Variants in JAKMIP1 observed in about 807,000 individuals in gnomAD.
The protein encoded by JAKMIP1 is janus kinase and microtubule-interacting protein 1.
In JAKMIP1, 33 loss-of-function variants were observed where a neutral mutation model predicts 113.0. The observed-to-expected ratio is 0.29, with a 90% CI of 0.22 to 0.39. The LOEUF (loss-of-function observed/expected upper bound fraction) is 0.39, where lower values mean the gene tolerates loss of function less well. Among genes scored for constraint, JAKMIP1 ranks in the 10% least tolerant of loss-of-function variants. The pLI, the probability that JAKMIP1 is intolerant of heterozygous loss-of-function variation, is 1.00. For synonymous variants in JAKMIP1, 480 were observed against 459.9 expected, an observed-to-expected ratio of 1.04 and a Z score of -0.56; for missense variants, 813 against 1,080.5, an observed-to-expected ratio of 0.75 and a Z score of 3.47.
Position 6,113,016 on chromosome 4 carries a change from C to T in JAKMIP1, c.-147-19G>A. On this transcript the variant is annotated intron_variant, in intron 1 of 20. Transcript: ENST00000409021. Reference sequence around the variant, plus strand: ...TGGGATCCTGAAGGAAGGAGGGAAACTGAGTTAGCAGAGACAGAAGGGTGG... The same window carrying T: ...TGGGATCCTGAAGGAAGGAGGGAAATTGAGTTAGCAGAGACAGAAGGGTGG... 1.8e-6 allele frequency: 2 copies of T among 1,100,680 alleles called. No individual in the cohort carries two copies. Among genetic ancestry groups the T allele is most frequent in the South Asian group, 3.4e-5 (2 of 59,298 alleles). 68.2% of individuals were successfully genotyped at this position (1,100,680 alleles called of 1,614,324 possible).
intron 1 of JAKMIP1, among the ~76,000 whole-genome samples, chr4:6,133,773 A>G (rs1382418533): frequency 2.0e-5 from 3 of 152,162 alleles, no homozygotes; most frequent in Non-Finnish European, 4.4e-5. Context: ...CATTTCCCAG[A>G]TTCCCTTGCA....
At position 6,141,188 on chromosome 4, in the gene JAKMIP1, C is replaced by T. The variant is rs1049089681; in HGVS notation, c.-147-28191G>A. On this transcript the variant is annotated intron_variant, in intron 1 of 20. Coordinates refer to ENST00000409021, the MANE Select transcript of JAKMIP1 (RefSeq NM_001099433.2). The surrounding 1 kb of genome is among the most constrained non-coding windows in gnomAD (Gnocchi z 9.4). ...CAGTGGCTCATGCCTGTAATCCCAACACTTTGGGATGCTGAGGCAGGCAGA... is the reference window on the plus strand; with the variant it reads ...CAGTGGCTCATGCCTGTAATCCCAATACTTTGGGATGCTGAGGCAGGCAGA... Among the ~76,000 whole-genome samples, 2 of 152,206 alleles carry T rather than the reference C, an allele frequency of 1.3e-5. No homozygotes were observed. The highest frequency in any genetic ancestry group is 2.4e-5 in the African/African-American group (1 of 41,434).
intron 3 of JAKMIP1, among the ~76,000 whole-genome samples, chr4:6,087,963 G>A (rs185169547): frequency 1.3e-5 from 2 of 152,252 alleles, no homozygotes; most frequent in Admixed American, 6.5e-5. Context: ...AAATGGGTAG[G>A]AGCACTGTCC....
chr4:6,171,067 T>C (rs1048442613), intron 1 of JAKMIP1, among the ~76,000 whole-genome samples: 3 of 110,320 alleles, frequency 2.7e-5, no homozygotes, highest in African/African-American at 8.7e-5. Context: ...CTGACCACCA[T>C]CACCACCACC....
chr4:6,129,089 T>G lies in JAKMIP1; in HGVS notation c.-147-16092A>C, dbSNP rs1718149003. 6.6e-6 allele frequency among the ~76,000 whole-genome samples: 1 copy of G among 152,298 alleles called. No individual in the cohort carries two copies. The highest frequency in any genetic ancestry group is 6.5e-5 in the Admixed American group (1 of 15,292). Reference sequence around the variant, plus strand: ...GTGACAGTACCCCTGGGAGCCCTCTTTGGATGCCTGCTGGATGATGAAGAC... The same window carrying G: ...GTGACAGTACCCCTGGGAGCCCTCTGTGGATGCCTGCTGGATGATGAAGAC... On this transcript the variant is annotated intron_variant, in intron 1 of 20. Transcript: ENST00000409021. This position sits in a 1 kb window ranked among gnomAD's most constrained non-coding sequence, Gnocchi z 5.4.
At chr4:6,082,123 T>C (rs1451983466) in intron 5 of JAKMIP1, among the ~76,000 whole-genome samples, 2 of 152,040 alleles carry the variant, frequency 1.3e-5, no homozygotes, top group African/African-American at 2.4e-5. Context: ...CCGCATTTTA[T>C]AGACAAAGAA....
At chr4:6,066,286 T>G (rs989886702) in intron 8 of JAKMIP1, among the ~76,000 whole-genome samples, 29 of 152,110 alleles carry the variant, frequency 1.9e-4, no homozygotes, top group African/African-American at 7.0e-4. Context: ...TAGGAAATAA[T>G]TCAGACATAA....
chr4:6,092,461 C>G (rs1026318536), intron 3 of JAKMIP1, among the ~76,000 whole-genome samples: 7 of 152,388 alleles, frequency 4.6e-5, no homozygotes, highest in African/African-American at 1.4e-4. Context: ...GGCCACACCC[C>G]CTTCCTGCTC....
chr4:6,098,669 AG>A (rs1187704806), intron 3 of JAKMIP1, among the ~76,000 whole-genome samples: 56 of 103,082 alleles, frequency 5.4e-4, no homozygotes, highest in African/African-American at 2.5e-3. Context: ...GAAGAAAGAG[AG>A]AGAAAGAAAG....
At chr4:6,084,550 T>C (rs1032931402) in intron 5 of JAKMIP1, among the ~76,000 whole-genome samples, 4 of 152,140 alleles carry the variant, frequency 2.6e-5, no homozygotes, top group African/African-American at 9.7e-5. Context: ...TTTTTAATTG[T>C]TGATTTTTTT....
chr4:6,160,087 A>C lies in JAKMIP1; in HGVS notation c.-148+40166T>G, dbSNP rs371437630. Among the ~76,000 whole-genome samples the C allele has an allele frequency of 8.1e-4, 123 of 152,312 alleles. No individual in the cohort carries two copies. In the Middle Eastern group the frequency reaches 0.01, roughly 13 times the overall value. On this transcript the variant is annotated intron_variant, in intron 1 of 20. Transcript: ENST00000409021. ...AAGAAAAGAGAGTTCTTAGAAAGAG[A>C]AGGTGGAATGCTCCTAACGAGGACA... is the stretch of plus-strand genomic sequence containing the variant.
chr4:6,028,241 C>A (rs985605468), intron 20 of JAKMIP1, among the ~76,000 whole-genome samples: 1 of 152,236 alleles, frequency 6.6e-6, no homozygotes, highest in Non-Finnish European at 1.5e-5. Context: ...CCCTTGGGTT[C>A]TCAGAATATC....
chr4:6,039,210 G>T (rs373350079), intron 18 of JAKMIP1, among the ~76,000 whole-genome samples: 2 of 152,204 alleles, frequency 1.3e-5, no homozygotes, highest in East Asian at 3.9e-4. Context: ...GCCTTCCTGA[G>T]TTGGTGCTTA....
rs1035336106 is a variant in JAKMIP1, at chr4:6,136,374, G to C, written c.-147-23377C>G. Among the ~76,000 whole-genome samples, 5 of 151,774 alleles carry C rather than the reference G, an allele frequency of 3.3e-5. No homozygotes were observed. The highest frequency in any genetic ancestry group is 7.4e-5 in the Non-Finnish European group (5 of 67,944). On this transcript the variant is annotated intron_variant, in intron 1 of 20. Transcript: ENST00000409021. The surrounding 1 kb of genome is among the most constrained non-coding windows in gnomAD (Gnocchi z 5.9). ...ATATTTAAGTACTTCTGACAAATCA[G>C]TACCCTAGTGATAATATCTCCCACT...
chr4:6,072,267 A>G lies in JAKMIP1; in HGVS notation c.1302+6672T>C, dbSNP rs76417701. Among the ~76,000 whole-genome samples the G allele has an allele frequency of 3.1e-3, 478 of 152,256 alleles. 1 individual carries two copies. Among genetic ancestry groups the G allele is most frequent in the Non-Finnish European group, 5.0e-3 (339 of 68,026 alleles). ...TTTAAATATTGAACCCCTCAAAATC[A>G]TCTTTGGAGAAAGGCTCAGATCTGT... On this transcript the variant is annotated intron_variant, in intron 8 of 20. Transcript: ENST00000409021.
intron 16 of JAKMIP1, among the ~76,000 whole-genome samples, chr4:6,045,537 A>G (rs2108761441): frequency 6.6e-6 from 1 of 152,306 alleles, no homozygotes; most frequent in South Asian, 2.1e-4. Context: ...CAGGCACATC[A>G]TAGGACATTC....
chr4:6,197,065 G>A lies in JAKMIP1; in HGVS notation c.-148+3188C>T, dbSNP rs974285769. ...GGTGTTCACGTAGACCTCACCCTGT[G>A]TGGTGCCCGTGCAGCAAAGATGAGA... On this transcript the variant is annotated intron_variant, in intron 1 of 20. Coordinates refer to ENST00000409021, the MANE Select transcript of JAKMIP1 (RefSeq NM_001099433.2). The surrounding 1 kb of genome is among the most constrained non-coding windows in gnomAD (Gnocchi z 6.5). Among the ~76,000 whole-genome samples, 8 of 152,334 alleles carry A rather than the reference G, an allele frequency of 5.3e-5. No individual in the cohort carries two copies. Among genetic ancestry groups the A allele is most frequent in the Admixed American group, 2.0e-4 (3 of 15,310 alleles).
chr4:6,116,813 G>A lies in JAKMIP1; in HGVS notation c.-147-3816C>T, dbSNP rs1715857555. Among the ~76,000 whole-genome samples the A allele has an allele frequency of 6.6e-6, 1 of 152,202 alleles. No homozygotes were observed. On this transcript the variant is annotated intron_variant, in intron 1 of 20. Transcript: ENST00000409021. The surrounding 1 kb of genome is among the most constrained non-coding windows in gnomAD (Gnocchi z 5.1). Reference sequence around the variant, plus strand: ...TGAATACATAAAACAATGATGGCTTGTGGTAGGTGCTGGAAAGAACAAGTC... The same window carrying A: ...TGAATACATAAAACAATGATGGCTTATGGTAGGTGCTGGAAAGAACAAGTC...
chr4:6,085,035 T>C, intron 4 of JAKMIP1, 70 bp from the exon 5 acceptor site: 1 of 1,490,672 alleles, frequency 6.7e-7, no homozygotes, highest in Non-Finnish European at 8.9e-7. Context: ...GTGTGGAGCC[T>C]TCTTAGAAAA....
Sources: allele counts gnomAD v4.1 joint callset (sites outside exome capture counted in the v4.1 genomes callset), GRCh38; gene constraint gnomAD v4.1.1; non-coding constraint Gnocchi (gnomAD v3.1); transcripts MANE v1.5; gene names NCBI Gene and HGNC (gene_info 2026-07-23, HGNC 2026-07-21).